HHLA1: variants seen among roughly 807,000 people sequenced by gnomAD.
The protein encoded by HHLA1 is HERV-H LTR-associating protein 1.
A neutral mutation model predicts 69.9 loss-of-function variants in HHLA1; 72 were observed. The ratio of observed to expected loss-of-function variants is 1.03; its 90% CI spans 0.85 to 1.25. The LOEUF (loss-of-function observed/expected upper bound fraction) is 1.25, where lower values mean the gene tolerates loss of function less well. Among genes scored for constraint, HHLA1 ranks in the 50% most tolerant of loss-of-function variants. The pLI is 0.00. For synonymous variants in HHLA1, 252 were observed against 233.2 expected, an observed-to-expected ratio of 1.08 and a Z score of -0.73; for missense variants, 685 against 642.2, an observed-to-expected ratio of 1.07 and a Z score of -0.72.
chr8:132,076,178 A>T (rs1401542451), intron 13 of HHLA1, 49 bp from the exon 14 acceptor site: 1 of 1,294,010 alleles, frequency 7.7e-7, no homozygotes, highest in South Asian at 1.3e-5. Context: ...GAATTACCTT[A>T]GGTGATACAC....
chr8:132,078,862 G>A (rs1823691157), intron 11 of HHLA1, among the ~76,000 whole-genome samples: 1 of 152,128 alleles, frequency 6.6e-6, no homozygotes, highest in Admixed American at 6.5e-5. Flanking sequence ...TATTGTCTCA[G>A]TGGGTCCATT....
At chr8:132,072,687 G>A (rs1364111297) in intron 14 of HHLA1, among the ~76,000 whole-genome samples, 1 of 152,128 alleles carries the variant, frequency 6.6e-6, no homozygotes, top group African/African-American at 2.4e-5. Context: ...ATGCAGTTTG[G>A]TTATTGTCTA....
rs1039695326 is a variant in HHLA1, at chr8:132,062,560, C to G, written c.*1435G>C. 6.6e-6 allele frequency: 1 copy of G among 152,304 alleles called. No homozygotes were observed. 9.4% of individuals were successfully genotyped at this position (152,304 alleles called of 1,614,324 possible). The stretch of plus-strand genomic sequence containing the variant: ...AAGGCAAGAGAGTGGAGAAGGAGCA[C>G]CAGGCACATCAGGAGAAAAACTGTC... On this transcript the variant is annotated 3_prime_UTR_variant, in exon 17 of 17. Coordinates refer to ENST00000414222, the MANE Select transcript of HHLA1 (RefSeq NM_001145095.3).
chr8:132,086,120 T>C (rs1201703138), intron 10 of HHLA1, among the ~76,000 whole-genome samples: 1 of 152,120 alleles, frequency 6.6e-6, no homozygotes, highest in East Asian at 1.9e-4. Flanking sequence ...CTACCCAGCA[T>C]CCTTGGTTGC....
chr8:132,103,250 G>A (rs555068753), intron 3 of HHLA1, among the ~76,000 whole-genome samples: 65 of 152,328 alleles, frequency 4.3e-4, no homozygotes, highest in African/African-American at 1.5e-3. Flanking sequence ...GGCTGGGGGA[G>A]CATTTTAACT....
intron 5 of HHLA1, among the ~76,000 whole-genome samples, chr8:132,096,612 A>G (rs1321073869): frequency 1.3e-5 from 2 of 152,134 alleles, no homozygotes; most frequent in Admixed American, 1.3e-4. Context: ...CTTAGTTTAT[A>G]TCTGGAGCAC....
chr8:132,072,905 TAAA>T (rs528446445), intron 14 of HHLA1, among the ~76,000 whole-genome samples: 1 of 142,742 alleles, frequency 7.0e-6, no homozygotes, highest in Non-Finnish European at 1.5e-5. Context: ...TTTTGTCCAG[TAAA>T]AAAAAAAAAG....
At chr8:132,087,506 T>G (rs1037096766) in intron 10 of HHLA1, 147 bp downstream of exon 10, 11 of 607,104 alleles carry the variant, frequency 1.8e-5, no homozygotes, top group Admixed American at 3.1e-5. Context: ...AATCCAGAAA[T>G]TCATTTTTTT....
At chr8:132,109,586 A>C (rs556592258) in intron 1 of HHLA1, among the ~76,000 whole-genome samples, 1 of 152,196 alleles carries the variant, frequency 6.6e-6, no homozygotes, top group South Asian at 2.1e-4. Context: ...TGTTATTTCA[A>C]CTTCTCAAGC....
In HHLA1 at chr8:132,077,975, C is replaced by T. The variant is rs574447180; in HGVS notation, c.926-4G>A. On this transcript the variant is annotated splice_polypyrimidine_tract_variant and splice_region_variant and intron_variant, in intron 11 of 16. Transcript: ENST00000414222. ...GTTCTGGCCACCCTCCTGGTAGCTGCACATTCAAAGTGACAGTAACAGGGT... is the reference window on the plus strand; with the variant it reads ...GTTCTGGCCACCCTCCTGGTAGCTGTACATTCAAAGTGACAGTAACAGGGT... 81 of 1,551,378 alleles carry T rather than the reference C, an allele frequency of 5.2e-5. 1 individual carries two copies. In the South Asian group the frequency reaches 6.3e-4, roughly 12 times the overall value.
chr8:132,101,094 T>C (rs1466308103), intron 3 of HHLA1: 24 of 1,380,654 alleles, frequency 1.7e-5, no homozygotes, highest in Non-Finnish European at 1.8e-5. Context: ...AAATGACCAT[T>C]GCAACAATAG....
chr8:132,104,005 G>A lies in HHLA1; in HGVS notation c.139+103C>T, dbSNP rs140805787. The A allele has an allele frequency of 8.9e-4, 675 of 760,434 alleles. 5 individuals are homozygous for A. The African/African-American group carries it at 0.01, about 12-fold the overall frequency. The allele number at this position is 760,434 out of a possible 1,614,324, so 47.1% of individuals were successfully genotyped here. Reference sequence around the variant, plus strand: ...TTGTGACTATTAGAGTGTTAGATGCGGATATAATCGCTGTCTTATCAGTAG... The same window carrying A: ...TTGTGACTATTAGAGTGTTAGATGCAGATATAATCGCTGTCTTATCAGTAG... On this transcript the variant is annotated intron_variant, in intron 3 of 16. Coordinates refer to ENST00000414222, the MANE Select transcript of HHLA1 (RefSeq NM_001145095.3).
intron 2 of HHLA1, 140 bp from the exon 3 acceptor site, chr8:132,104,307 GTTCA>G: frequency 3.2e-6 from 2 of 626,748 alleles, no homozygotes; most frequent in Non-Finnish European, 5.6e-6. Context: ...CATCTAGTTT[GTTCA>G]TTCATTTAAT....
At chr8:132,087,582 A>T in intron 10 of HHLA1, 71 bp downstream of exon 10, 1 of 910,624 alleles carries the variant, frequency 1.1e-6, no homozygotes, top group Non-Finnish European at 1.7e-6. Flanking sequence ...GGCAGCTTTC[A>T]GTCATTAGTG....
intron 3 of HHLA1, 100 bp from the exon 4 acceptor site, chr8:132,100,234 G>T: frequency 1.2e-6 from 1 of 815,890 alleles, no homozygotes; most frequent in Non-Finnish European, 2.1e-6. Context: ...TCTGCTCTCC[G>T]TGTGAGAGTC....
intron 11 of HHLA1, 149 bp downstream of exon 11, chr8:132,079,569 T>A: frequency 1.2e-6 from 1 of 810,568 alleles, no homozygotes; most frequent in Non-Finnish European, 1.9e-6. Flanking sequence ...CCATACCGGC[T>A]CATACAGATC....
At chr8:132,107,968 C>G (rs1221088855) in intron 1 of HHLA1, among the ~76,000 whole-genome samples, 1 of 152,128 alleles carries the variant, frequency 6.6e-6, no homozygotes, top group Non-Finnish European at 1.5e-5. Context: ...AGGGAGAGAG[C>G]CTGGGTTTAA....
At chr8:132,101,582 A>ATTTT (rs56123548) in intron 3 of HHLA1, among the ~76,000 whole-genome samples, 1 of 145,266 alleles carries the variant, frequency 6.9e-6, no homozygotes, top group East Asian at 2.0e-4. Context: ...TACCCTATTA[A>ATTTT]TTTTTTTTTT....
chr8:132,087,801 T>C, intron 9 of HHLA1, 44 bp downstream of exon 9: 1 of 1,546,258 alleles, frequency 6.5e-7, no homozygotes, highest in Non-Finnish European at 8.8e-7. Context: ...GTTTTGTCTA[T>C]TTCTCAGCCC....
Sources: gnomAD v4.1 joint callset for allele counts (sites outside exome capture counted in the v4.1 genomes callset) on GRCh38, gnomAD v4.1.1 for gene constraint, MANE v1.5 for transcripts, NCBI Gene and HGNC (gene_info 2026-07-23, HGNC 2026-07-21) for gene names.